The following RIN2 variants were observed in gnomAD, a reference collection of about 807,000 sequenced individuals.
RIN2 encodes the protein RAB5 interacting protein 2.
A neutral mutation model predicts 78.0 loss-of-function variants in RIN2; 36 were observed. That is an observed-to-expected ratio of 0.46 (90% confidence interval 0.35 to 0.61). The LOEUF (loss-of-function observed/expected upper bound fraction) is 0.61, where lower values mean the gene tolerates loss of function less well. Among genes scored for constraint, RIN2 ranks in the 20% least tolerant of loss-of-function variants. The pLI, the probability that RIN2 is intolerant of heterozygous loss-of-function variation, is 0.00. For missense variants in RIN2, 1,087 were observed against 1,159.7 expected, an observed-to-expected ratio of 0.94 and a Z score of 0.91; for synonymous variants, 466 against 466.8, an observed-to-expected ratio of 1.00 and a Z score of 0.02.
chr20:19,939,028 A>G (rs2040759324), intron 4 of RIN2, among the ~76,000 whole-genome samples: 1 of 152,058 alleles, frequency 6.6e-6, no homozygotes, highest in Non-Finnish European at 1.5e-5. Flanking sequence ...ATCCATCTCC[A>G]AATCCAGGCA....
upstream of RIN2, chr20:19,757,812 G>C (rs2033432103): frequency 6.6e-6 from 1 of 152,392 alleles, no homozygotes; most frequent in Non-Finnish European, 1.5e-5. Flanking sequence ...GCCTGGCCGG[G>C]GACCGCAGAA....
rs550491055 is a variant in RIN2, at chr20:19,784,997, C to A, written c.-162-14625C>A. 3.3e-5 allele frequency among the ~76,000 whole-genome samples: 5 copies of A among 152,124 alleles called. No homozygotes were observed. In the South Asian group the frequency reaches 1.0e-3, roughly 32 times the overall value. On this transcript the variant is annotated intron_variant, in intron 1 of 12. Coordinates refer to ENST00000255006, the MANE Select transcript of RIN2 (RefSeq NM_018993.4). ...GGGTCCTTCAGAGATCAAAGAAAAC[C>A]GCAAAATCAGACATGCTTCCCCTCT... is the stretch of plus-strand genomic sequence containing the variant.
At chr20:19,828,497 C>G (rs2036159395) in intron 2 of RIN2, among the ~76,000 whole-genome samples, 1 of 152,154 alleles carries the variant, frequency 6.6e-6, no homozygotes, top group African/African-American at 2.4e-5. Context: ...TGCCTGATTT[C>G]TGCAGCAGGA....
At chr20:19,919,270 C>T (rs1021843912) in intron 3 of RIN2, among the ~76,000 whole-genome samples, 9 of 152,186 alleles carry the variant, frequency 5.9e-5, no homozygotes, top group African/African-American at 1.9e-4. Context: ...GGATGCTGGT[C>T]CCCACACAGC....
rs199721202 is a variant in RIN2, at chr20:19,909,192, T to A, written c.57+19534T>A. On this transcript the variant is annotated intron_variant, in intron 3 of 12. Transcript: ENST00000255006. ...TCTTCAGTTTTTGTTAGTAACCCAC[T>A]GAGGCCCATAAAACAAACACACCTG... Among the ~76,000 whole-genome samples, 43 of 152,164 alleles carry A rather than the reference T, an allele frequency of 2.8e-4. No individual in the cohort carries two copies. In the East Asian group the frequency reaches 5.8e-3, roughly 21 times the overall value.
intron 6 of RIN2, among the ~76,000 whole-genome samples, chr20:19,961,654 A>C (rs1250416326): frequency 6.6e-6 from 1 of 152,076 alleles, no homozygotes; most frequent in East Asian, 1.9e-4. Flanking sequence ...GGCCGAGATG[A>C]GATTCTACTC....
chr20:19,829,157 AT>A (rs919682865), intron 2 of RIN2, among the ~76,000 whole-genome samples: 5 of 152,150 alleles, frequency 3.3e-5, no homozygotes, highest in Non-Finnish European at 7.3e-5. Flanking sequence ...TGAGAGGTTC[AT>A]GGAGGTTCTG....
At chr20:19,855,414 T>A (rs1268523491) in intron 2 of RIN2, among the ~76,000 whole-genome samples, 2 of 152,146 alleles carry the variant, frequency 1.3e-5, no homozygotes, top group Non-Finnish European at 2.9e-5. Context: ...TTAGGGAGGA[T>A]TCCCTCTTTT....
chr20:19,971,735 A>ATTTTTTTTTTTTTTTTTTTTTTTTT (rs61019165), intron 8 of RIN2, among the ~76,000 whole-genome samples: 1 of 91,540 alleles, frequency 1.1e-5, no homozygotes, highest in Non-Finnish European at 2.0e-5. Flanking sequence ...TGAAACTGCA[A>ATTTTTTTTTTTTTTTTTTTTTTTTT]TTTTTTTTTT....
chr20:19,998,489 T>C (rs2043041855), intron 12 of RIN2, among the ~76,000 whole-genome samples: 1 of 152,072 alleles, frequency 6.6e-6, no homozygotes, highest in African/African-American at 2.4e-5. Context: ...TGCACACCTG[T>C]AGTCCCAGCT....
intron 2 of RIN2, among the ~76,000 whole-genome samples, chr20:19,817,313 G>T (rs1600525953): frequency 6.6e-6 from 1 of 152,160 alleles, no homozygotes; most frequent in Non-Finnish European, 1.5e-5. Flanking sequence ...CCTGGGGAAG[G>T]CTCACCCTTT....
At chr20:19,998,490 A>G (rs1262318453) in intron 12 of RIN2, among the ~76,000 whole-genome samples, 1 of 152,124 alleles carries the variant, frequency 6.6e-6, no homozygotes, top group Admixed American at 6.5e-5. Flanking sequence ...GCACACCTGT[A>G]GTCCCAGCTA....
intron 1 of RIN2, among the ~76,000 whole-genome samples, chr20:19,790,824 C>A (rs568088483): frequency 6.6e-6 from 1 of 152,228 alleles, no homozygotes; most frequent in Non-Finnish European, 1.5e-5. Context: ...AGCACTTCAC[C>A]CCAACTCTGA....
At chr20:19,985,039 C>A (rs1357926043) in intron 9 of RIN2, among the ~76,000 whole-genome samples, 1 of 152,204 alleles carries the variant, frequency 6.6e-6, no homozygotes, top group East Asian at 1.9e-4. Context: ...CTTGGCCTCC[C>A]CACGGCTCCC....
Position 20,002,187 on chromosome 20 carries a change from C to G in RIN2, c.*1251C>G, listed in dbSNP as rs115552196. On this transcript the variant is annotated 3_prime_UTR_variant, in exon 13 of 13. Transcript: ENST00000255006. ...AAATTAAACTTATGTTAAATAAAAC[C>G]AGTTTGCAGGTGCACAAACTATGAG... The G allele has an allele frequency of 6.6e-6, 1 of 152,182 alleles. No individual in the cohort carries two copies. Among genetic ancestry groups the G allele is most frequent in the Non-Finnish European group, 1.5e-5 (1 of 68,026 alleles). The allele number at this position is 152,182 out of a possible 1,614,324, so 9.4% of individuals were successfully genotyped here.
At chr20:19,998,021 G>C (rs1489195555) in intron 12 of RIN2, among the ~76,000 whole-genome samples, 1 of 151,062 alleles carries the variant, frequency 6.6e-6, no homozygotes, top group East Asian at 2.0e-4. Context: ...TGTCACCCAG[G>C]CTGGAGTGCA....
At chr20:19,821,451 T>A (rs117009599) in intron 2 of RIN2, among the ~76,000 whole-genome samples, 2,931 of 152,142 alleles carry the variant, frequency 0.019, 82 homozygotes, top group East Asian at 0.098. Context: ...ACTCTCCTAC[T>A]CAGAAGTATT....
rs546825809 is a variant in RIN2 at position 19,866,123 on chromosome 20, G to T, written c.-36-23443G>T. ...TGCAACTAGATGGTCCCATCTGGGG[G>T]TGATGGGAGACAGATCATCAGGCAT... On this transcript the variant is annotated intron_variant, in intron 2 of 12. Coordinates refer to ENST00000255006, the MANE Select transcript of RIN2 (RefSeq NM_018993.4). 1.5e-3 allele frequency among the ~76,000 whole-genome samples: 224 copies of T among 152,180 alleles called. 2 individuals are homozygous for T. The highest frequency in any genetic ancestry group is 6.8e-3 in the Middle Eastern group (2 of 294).
chr20:19,866,069 A>T (rs2037496781), intron 2 of RIN2, among the ~76,000 whole-genome samples: 1 of 152,076 alleles, frequency 6.6e-6, no homozygotes, highest in African/African-American at 2.4e-5. Context: ...CTTAATGTAG[A>T]ATCAGTGGGT....
Sources: allele counts gnomAD v4.1 joint callset (sites outside exome capture counted in the v4.1 genomes callset), GRCh38; gene constraint gnomAD v4.1.1; transcripts MANE v1.5; gene names NCBI Gene and HGNC (gene_info 2026-07-23, HGNC 2026-07-21).